The following BMPR1A variants were observed in gnomAD, a reference collection of about 807,000 sequenced individuals.
BMPR1A encodes the protein bone morphogenetic protein receptor type-1A.
BMPR1A carries 7 observed loss-of-function variants against 66.0 expected under a neutral mutation model. The observed-to-expected ratio is 0.11, with a 90% CI of 0.06 to 0.20. The LOEUF (loss-of-function observed/expected upper bound fraction) is 0.20. Among genes scored for constraint, BMPR1A ranks in the 10% least tolerant of loss-of-function variants. The pLI, the probability that BMPR1A is intolerant of heterozygous loss-of-function variation, is 1.00. For synonymous variants in BMPR1A, 200 were observed against 229.7 expected, an observed-to-expected ratio of 0.87 and a Z score of 1.17; for missense variants, 408 against 669.1, an observed-to-expected ratio of 0.61 and a Z score of 4.31.
chr10:86,811,100 G>A (rs1453727889), intron 1 of BMPR1A, among the ~76,000 whole-genome samples: 2 of 152,170 alleles, frequency 1.3e-5, no homozygotes, highest in African/African-American at 2.4e-5. Flanking sequence ...GTGCCGTAGT[G>A]CCATCTTGGT....
At chr10:86,779,379 C>A (rs1332746816) in intron 1 of BMPR1A, among the ~76,000 whole-genome samples, 1 of 152,156 alleles carries the variant, frequency 6.6e-6, no homozygotes, top group Admixed American at 6.6e-5. Flanking sequence ...TCCCTTTTCT[C>A]CTGTCCTTGT....
intron 2 of BMPR1A, among the ~76,000 whole-genome samples, chr10:86,873,408 C>G (rs1320404824): frequency 6.7e-6 from 1 of 149,864 alleles, no homozygotes; most frequent in Admixed American, 6.7e-5. Flanking sequence ...GGCAACATAG[C>G]GAGACCCACC....
chr10:86,780,920 G>A lies in BMPR1A; in HGVS notation c.-268+24001G>A, dbSNP rs571768435. On this transcript the variant is annotated intron_variant, in intron 1 of 12. Transcript: ENST00000372037. ...AATTGAGACAAGGTCTCACCACGTTGCCCAGGCTGGTCTCAAGCTACTTGG... is the reference window on the plus strand; with the variant it reads ...AATTGAGACAAGGTCTCACCACGTTACCCAGGCTGGTCTCAAGCTACTTGG... Among the ~76,000 whole-genome samples, 5 of 152,208 alleles carry A rather than the reference G, an allele frequency of 3.3e-5. 1 individual carries two copies. Among genetic ancestry groups the A allele is most frequent in the East Asian group, 1.9e-4 (1 of 5,172 alleles).
chr10:86,851,472 G>A (rs992775815), intron 2 of BMPR1A, among the ~76,000 whole-genome samples: 6 of 152,026 alleles, frequency 3.9e-5, no homozygotes, highest in African/African-American at 1.2e-4. Flanking sequence ...ATTTACCGTT[G>A]GATAGTCACT....
intron 1 of BMPR1A, among the ~76,000 whole-genome samples, chr10:86,809,793 C>T (rs1281707773): frequency 6.6e-6 from 1 of 151,816 alleles, no homozygotes; most frequent in African/African-American, 2.4e-5. Context: ...GTATTCCTTC[C>T]TTCCTGCCCC....
intron 1 of BMPR1A, among the ~76,000 whole-genome samples, chr10:86,799,542 T>C (rs1403540006): frequency 1.3e-5 from 2 of 151,488 alleles, no homozygotes; most frequent in Non-Finnish European, 2.9e-5. Flanking sequence ...TTCTTTTCTT[T>C]CTTTCTTTTT....
intron 1 of BMPR1A, among the ~76,000 whole-genome samples, chr10:86,818,128 C>T (rs946278631): frequency 6.6e-6 from 1 of 152,208 alleles, no homozygotes; most frequent in African/African-American, 2.4e-5. Context: ...AAACGATTCT[C>T]CTGCCTCAGC....
At chr10:86,797,815 C>T (rs1841745749) in intron 1 of BMPR1A, among the ~76,000 whole-genome samples, 1 of 152,060 alleles carries the variant, frequency 6.6e-6, no homozygotes, top group Admixed American at 6.5e-5. Flanking sequence ...GTCAAGAAAT[C>T]TGTTAATGCA....
intron 1 of BMPR1A, among the ~76,000 whole-genome samples, chr10:86,797,970 A>G (rs1841748327): frequency 6.6e-6 from 1 of 152,088 alleles, no homozygotes; most frequent in Non-Finnish European, 1.5e-5. Flanking sequence ...ATGGAGATAA[A>G]TCTTAGGAGA....
chr10:86,790,109 T>A (rs1269190071), intron 1 of BMPR1A, among the ~76,000 whole-genome samples: 1 of 105,074 alleles, frequency 9.5e-6, no homozygotes, highest in Non-Finnish European at 2.0e-5. Flanking sequence ...TGAGCCGAGA[T>A]CTTGCCACTG....
At chr10:86,910,196 G>T (rs1172926877) in intron 7 of BMPR1A, among the ~76,000 whole-genome samples, 3 of 152,032 alleles carry the variant, frequency 2.0e-5, no homozygotes, top group Admixed American at 1.3e-4. Context: ...AATTAGCCAG[G>T]TGTGGTGGTG....
At chr10:86,817,323 C>T (rs539550711) in intron 1 of BMPR1A, among the ~76,000 whole-genome samples, 6 of 152,262 alleles carry the variant, frequency 3.9e-5, no homozygotes, top group Middle Eastern at 3.4e-3. Context: ...CTAAGTACGT[C>T]ATATAAGTGG....
chr10:86,919,051 G>A (rs1044932429), intron 9 of BMPR1A, 121 bp from the exon 10 acceptor site: 55 of 1,059,854 alleles, frequency 5.2e-5, no homozygotes, highest in African/African-American at 4.4e-4. Context: ...GGTGTCAGGC[G>A]AATTAAAGTT....
chr10:86,885,603 CT>C (rs1164255755), intron 3 of BMPR1A, among the ~76,000 whole-genome samples: 1 of 152,214 alleles, frequency 6.6e-6, no homozygotes, highest in African/African-American at 2.4e-5. Context: ...GACATGCCAC[CT>C]TTTCCCTAGT....
chr10:86,811,685 A>G (rs1216448682), intron 1 of BMPR1A, among the ~76,000 whole-genome samples: 2 of 152,170 alleles, frequency 1.3e-5, no homozygotes, highest in Non-Finnish European at 2.9e-5. Flanking sequence ...GGAGACACAC[A>G]ATGTGTGGTT....
chr10:86,880,809 A>G (rs1451412643), intron 3 of BMPR1A, among the ~76,000 whole-genome samples: 2 of 152,232 alleles, frequency 1.3e-5, no homozygotes, highest in Non-Finnish European at 2.9e-5. Context: ...GAAAAGTTCA[A>G]AGGATTCAGT....
intron 1 of BMPR1A, among the ~76,000 whole-genome samples, chr10:86,816,518 A>G (rs187057931): frequency 1.2e-4 from 19 of 152,360 alleles, no homozygotes; most frequent in Admixed American, 9.8e-4. Flanking sequence ...AAGAGAGTAC[A>G]GAAGAGGAGT....
At chr10:86,789,132 C>T (rs753036684) in intron 1 of BMPR1A, among the ~76,000 whole-genome samples, 1 of 152,082 alleles carries the variant, frequency 6.6e-6, no homozygotes, top group Non-Finnish European at 1.5e-5. Context: ...ATACCATAAA[C>T]AAAAATCAAC....
chr10:86,774,141 C>T (rs1326175693), intron 1 of BMPR1A, among the ~76,000 whole-genome samples: 6 of 152,122 alleles, frequency 3.9e-5, no homozygotes, highest in South Asian at 2.1e-4. Flanking sequence ...TGAGCCACCG[C>T]GCCCAGCCTT....
Sources: gnomAD v4.1 joint callset for allele counts (sites outside exome capture counted in the v4.1 genomes callset) on GRCh38, gnomAD v4.1.1 for gene constraint, MANE v1.5 for transcripts, NCBI Gene and HGNC (gene_info 2026-07-23, HGNC 2026-07-21) for gene names.